SF3A1: variants seen among roughly 807,000 people sequenced by gnomAD.
SF3A1 encodes the protein SAP 114.
In SF3A1, 13 loss-of-function variants were observed where a neutral mutation model predicts 89.9. That is an observed-to-expected ratio of 0.14 (90% CI 0.09 to 0.23). The LOEUF (loss-of-function observed/expected upper bound fraction) is 0.23. SF3A1 is among the 10% of genes least tolerant of loss of function. SF3A1 has a pLI of 1.00. For missense variants in SF3A1, 604 were observed against 1,022.1 expected (o/e 0.59, Z 5.58); for synonymous variants, 405 against 374.4 (o/e 1.08, Z -0.94).
In SF3A1 at chr22:30,346,531, A is replaced by G. The variant is rs753359484; in HGVS notation, c.186-12T>C. 8 of 1,613,880 alleles carry G rather than the reference A, an allele frequency of 5.0e-6. No homozygotes were observed. The highest frequency in any genetic ancestry group is 5.1e-6 in the Non-Finnish European group (6 of 1,179,878). ...ATTCAGGCCCGTTTCTGGAGGAAGA[A>G]AAAACAACAAGAATAAACACCACTC... On this transcript the variant is annotated splice_polypyrimidine_tract_variant and intron_variant, in intron 2 of 15. Coordinates refer to ENST00000215793, the MANE Select transcript of SF3A1 (RefSeq NM_005877.6).
chr22:30,342,415 C>A (rs1931288460), intron 5 of SF3A1, 65 bp from the exon 6 acceptor site: 1 of 1,515,072 alleles, frequency 6.6e-7, no homozygotes, highest in Non-Finnish European at 8.9e-7. Flanking sequence ...GAGGCTACCA[C>A]CTCCAGGGCT....
intron 2 of SF3A1, among the ~76,000 whole-genome samples, chr22:30,348,590 G>A (rs1004499547): frequency 2.6e-5 from 4 of 152,064 alleles, no homozygotes; most frequent in Admixed American, 6.5e-5. Context: ...ACTAGTGATC[G>A]ACACCCAGGC....
chr22:30,350,996 C>A (rs1226997700), intron 2 of SF3A1, among the ~76,000 whole-genome samples: 1 of 152,214 alleles, frequency 6.6e-6, no homozygotes, highest in Non-Finnish European at 1.5e-5. Context: ...GCAGAGCTGA[C>A]ATAGTGAAAG....
At chr22:30,342,737 G>T in intron 5 of SF3A1, 68 bp downstream of exon 5, 1 of 1,008,838 alleles carries the variant, frequency 9.9e-7, no homozygotes, top group Non-Finnish European at 1.6e-6. Context: ...CTGCCTCAGA[G>T]ACTGTTTTCA....
intron 1 of SF3A1, among the ~76,000 whole-genome samples, chr22:30,353,933 G>A (rs567825161): frequency 6.6e-6 from 1 of 152,270 alleles, no homozygotes; most frequent in South Asian, 2.1e-4. Flanking sequence ...ACCCAGCGAT[G>A]GGCTTGGCAT....
At position 30,345,271 on chromosome 22, in the gene SF3A1, T is replaced by C; in HGVS notation, c.394-81A>G. Reference sequence around the variant, plus strand: ...GAGGGGAGGGGAGGGGACATGGGCATGCACCCCTCAGCAGGATGCTGTGAA... The same window carrying C: ...GAGGGGAGGGGAGGGGACATGGGCACGCACCCCTCAGCAGGATGCTGTGAA... On this transcript the variant is annotated intron_variant, in intron 3 of 15. Coordinates refer to ENST00000215793, the MANE Select transcript of SF3A1 (RefSeq NM_005877.6). 9 of 1,335,794 alleles carry C rather than the reference T, an allele frequency of 6.7e-6. 1 individual carries two copies. The highest frequency in any genetic ancestry group is 2.6e-5 in the South Asian group (2 of 76,082). 82.7% of individuals were successfully genotyped at this position (1,335,794 alleles called of 1,614,324 possible).
At chr22:30,337,002 C>G in intron 13 of SF3A1, 24 bp downstream of exon 13, 1 of 1,614,028 alleles carries the variant, frequency 6.2e-7, no homozygotes, top group Non-Finnish European at 8.5e-7. Flanking sequence ...CTAGAAACTT[C>G]AGCAGCATTC....
chr22:30,356,652 C>T, intron 1 of SF3A1, 78 bp downstream of exon 1: 1 of 1,147,272 alleles, frequency 8.7e-7, no homozygotes. Flanking sequence ...TCATAGCGGC[C>T]GGCCGCTTAT....
chr22:30,356,101 G>A (rs559585830), intron 1 of SF3A1, among the ~76,000 whole-genome samples: 13 of 152,268 alleles, frequency 8.5e-5, no homozygotes, highest in African/African-American at 3.1e-4. Context: ...CGAGATTGGA[G>A]AGCTTTATTA....
At chr22:30,344,319 T>C (rs1931352594) in intron 4 of SF3A1, among the ~76,000 whole-genome samples, 1 of 152,212 alleles carries the variant, frequency 6.6e-6, no homozygotes, top group Admixed American at 6.5e-5. Flanking sequence ...CATACATAAT[T>C]TCTTAGTGAT....
At chr22:30,342,492 C>G (rs1015575479) in intron 5 of SF3A1, 142 bp from the exon 6 acceptor site, 2 of 921,502 alleles carry the variant, frequency 2.2e-6, no homozygotes, top group African/African-American at 3.3e-5. Flanking sequence ...GCATTTGCAC[C>G]TGGTTCCACC....
At chr22:30,352,848 G>T in intron 2 of SF3A1, 103 bp downstream of exon 2, 1 of 1,430,316 alleles carries the variant, frequency 7.0e-7, no homozygotes, top group African/African-American at 1.4e-5. Context: ...TGAACTAAAA[G>T]GCCCAAGCCA....
intron 2 of SF3A1, among the ~76,000 whole-genome samples, chr22:30,350,576 C>A (rs1931562818): frequency 6.6e-6 from 1 of 152,134 alleles, no homozygotes; most frequent in African/African-American, 2.4e-5. Flanking sequence ...GGTGCATCCC[C>A]TTAATAAAGG....
At position 30,337,061 on chromosome 22, in the gene SF3A1, G is replaced by A; in HGVS notation, c.2071C>T (p.Leu691Phe). The A allele has an allele frequency of 1.2e-6, 2 of 1,614,212 alleles. No homozygotes were observed. The highest frequency in any genetic ancestry group is 1.7e-6 in the Non-Finnish European group (2 of 1,180,044). The change falls in exon 13 of 16, where the codon CTC (leucine) becomes TTC (phenylalanine). Residue 691 changes from leucine (L) to phenylalanine (F), a missense_variant. Coordinates refer to ENST00000215793, the MANE Select transcript of SF3A1 (RefSeq NM_005877.6). The part of the protein sequence containing the change: ...TSKKLKTEDS[L>F]MPEEEFLRRN... ...CGCAGGAACTCCTCCTCTGGCATGA[G>A]GCTGTCCTCTGTCTTCAGTTTTTTG...
Position 30,356,779 on chromosome 22 carries a change from G to A in SF3A1, c.14C>T (p.Pro5Leu), listed in dbSNP as rs11550686. Residue 5 changes from proline to leucine, a missense_variant, in exon 1 of 16, where the codon CCC (proline) becomes CTC (leucine). By Grantham distance (98) the Pro-to-Leu change is moderately conservative (BLOSUM62 -3). Around this residue, in one of 9 missense-constraint regions of SF3A1, gnomAD observed 55 missense variants for 43.8 expected, o/e 1.25. Transcript: ENST00000215793. ...CGGCGGCGGGGGCACCGCCTGCACG[G>A]GTCCGGCCGGCATGACTGCGACGCT... MPAG[P>L]VQAVPPPPPV... 6 of 1,435,642 alleles carry A rather than the reference G, an allele frequency of 4.2e-6. No individual in the cohort carries two copies. Among genetic ancestry groups the A allele is most frequent in the Non-Finnish European group, 5.5e-6 (6 of 1,085,976 alleles). The allele number at this position is 1,435,642 out of a possible 1,614,324, so 88.9% of individuals were successfully genotyped here.
At position 30,333,560 on chromosome 22, in the gene SF3A1, T is replaced by C. The variant is rs116412817; in HGVS notation, c.*1034A>G. The C allele has an allele frequency of 1.3e-5, 2 of 152,230 alleles. No individual in the cohort carries two copies. Among genetic ancestry groups the C allele is most frequent in the Admixed American group, 6.5e-5 (1 of 15,292 alleles). 9.4% of individuals were successfully genotyped at this position (152,230 alleles called of 1,614,324 possible). On this transcript the variant is annotated 3_prime_UTR_variant, in exon 16 of 16. Coordinates refer to ENST00000215793, the MANE Select transcript of SF3A1 (RefSeq NM_005877.6). ...CCTGCCTTTACTCAGAAACCAGGAC[T>C]GTGACGTGTTTTGCACACATTCTCT...
chr22:30,351,285 G>A (rs897195202), intron 2 of SF3A1, among the ~76,000 whole-genome samples: 2 of 151,472 alleles, frequency 1.3e-5, no homozygotes, highest in African/African-American at 2.4e-5. Context: ...GCAACAGAGT[G>A]AGACTCCATG....
chr22:30,335,366 A>G (rs1242466766), intron 15 of SF3A1, 101 bp downstream of exon 15: 19 of 1,004,640 alleles, frequency 1.9e-5, no homozygotes, highest in African/African-American at 3.2e-5. Context: ...CCACACCCAG[A>G]TATCACTCCA....
chr22:30,338,746 T>A (rs768978164), intron 11 of SF3A1, 43 bp downstream of exon 11: 1 of 1,611,908 alleles, frequency 6.2e-7, no homozygotes, highest in South Asian at 1.1e-5. Context: ...ACCTCAAGAA[T>A]GAAGCTCTAA....
Sources: allele counts gnomAD v4.1 joint callset (sites outside exome capture counted in the v4.1 genomes callset), GRCh38; gene constraint gnomAD v4.1.1; regional missense constraint gnomAD v4.1.1; transcripts MANE v1.5; gene names NCBI Gene and HGNC (gene_info 2026-07-23, HGNC 2026-07-21).